Variants in TTC13 observed in about 807,000 individuals in gnomAD.
TTC13 encodes tetratricopeptide repeat domain 13.
In TTC13, 62 loss-of-function variants were observed where a neutral mutation model predicts 120.0. That is an observed-to-expected ratio of 0.52 (90% CI 0.42 to 0.64). TTC13 has a LOEUF of 0.64. Among genes scored for constraint, TTC13 ranks in the 30% least tolerant of loss-of-function variants. The pLI is 0.00. For missense variants in TTC13, 824 were observed against 1,050.2 expected (o/e 0.78, Z 2.98); for synonymous variants, 384 against 393.5 (o/e 0.98, Z 0.28).
At chr1:230,936,720 T>G in intron 8 of TTC13, 1 of 155,540 alleles carries the variant, frequency 6.4e-6, no homozygotes, top group Non-Finnish European at 1.4e-5. Context: ...AATTAATTTC[T>G]AAATTGCTGT....
chr1:230,954,305 A>G (rs1675855933), intron 4 of TTC13, 28 bp downstream of exon 4: 1 of 1,573,426 alleles, frequency 6.4e-7, no homozygotes, highest in Non-Finnish European at 8.7e-7. Flanking sequence ...CATAAACTCA[A>G]AATTACATAA....
intron 15 of TTC13, among the ~76,000 whole-genome samples, 165 bp downstream of exon 15, chr1:230,923,676 G>C (rs146435294): frequency 3.3e-5 from 5 of 152,310 alleles, no homozygotes; most frequent in African/African-American, 1.2e-4. Flanking sequence ...AGCTGGGCTA[G>C]AGGAAAGGAA....
In TTC13 at chr1:230,978,480, G is replaced by A; in HGVS notation, c.271+80C>T. ...GCAGCCGGAGGCGTGAGGCCCGGGC[G>A]ACCCGTACCCCGGCCCGGGACCCCA... On this transcript the variant is annotated intron_variant, in intron 1 of 22. Coordinates refer to ENST00000366661, the MANE Select transcript of TTC13 (RefSeq NM_024525.5). The surrounding 1 kb of genome is among the most constrained non-coding windows in gnomAD (Gnocchi z 5.6). 1 of 389,684 alleles carries A rather than the reference G, an allele frequency of 2.6e-6. No individual in the cohort carries two copies. Among genetic ancestry groups the A allele is most frequent in the Non-Finnish European group, 4.3e-6 (1 of 234,006 alleles). The allele number at this position is 389,684 out of a possible 1,614,324, so 24.1% of individuals were successfully genotyped here.
Position 230,978,660 on chromosome 1 carries a change from C to T in TTC13, c.171G>A (p.Gln57=). The part of the protein sequence containing the change: ...EHYSPLSLLK[Q]ELQHRQQQEA... ...CCTGCTGCTGCCGGTGCTGCAGCTC[C>T]TGCTTGAGCAGGGAGAGCGGCGAGT... The change falls in exon 1 of 23, where the codon CAG becomes CAA. Residue 57 remains glutamine, a synonymous_variant. Coordinates refer to ENST00000366661, the MANE Select transcript of TTC13 (RefSeq NM_024525.5). The surrounding 1 kb of genome is among the most constrained non-coding windows in gnomAD (Gnocchi z 5.6). 11 of 1,482,122 alleles carry T rather than the reference C, an allele frequency of 7.4e-6. No individual in the cohort carries two copies. Among genetic ancestry groups the T allele is most frequent in the Non-Finnish European group, 9.8e-6 (11 of 1,124,536 alleles). 91.8% of individuals were successfully genotyped at this position (1,482,122 alleles called of 1,614,324 possible).
rs1290041671 is a variant in TTC13 at position 230,931,748 on chromosome 1, A to T, written c.1113T>A (p.Leu371=). The change falls in exon 10 of 23, where the codon CTT becomes CTA. Residue 371 remains leucine, a synonymous_variant. Coordinates refer to ENST00000366661, the MANE Select transcript of TTC13 (RefSeq NM_024525.5). The part of the protein sequence containing the change: ...LYHHGSLQEA[L]KNFKRCLQLE... ...TATGGATGCTCACCTTAAAGTTCTT[A>T]AGGGCTTCCTGTAAGCTGCCGTGGT... is the stretch of plus-strand genomic sequence containing the variant. The T allele has an allele frequency of 6.2e-7, 1 of 1,613,958 alleles. No homozygotes were observed. Among genetic ancestry groups the T allele is most frequent in the African/African-American group, 1.3e-5 (1 of 74,920 alleles).
At position 230,978,706 on chromosome 1, in the gene TTC13, C is replaced by T. The variant is rs1379524264; in HGVS notation, c.125G>A (p.Gly42Asp). Residue 42 changes from glycine (G) to aspartate (D), a missense_variant, in exon 1 of 23, where the codon GGC becomes GAC. Gly to Asp is a moderately conservative substitution (Grantham distance 94). Coordinates refer to ENST00000366661, the MANE Select transcript of TTC13 (RefSeq NM_024525.5). This position sits in a 1 kb window ranked among gnomAD's most constrained non-coding sequence, Gnocchi z 5.6. ...CGAGTAGTGCTCGGTGGCCAGGGCG[C>T]CTGGCCGCAGCCCGGCGGACAGGAC... ...LGVLSAGLRP[G>D]ALATEHYSPL... 1.3e-6 allele frequency: 2 copies of T among 1,490,966 alleles called. No homozygotes were observed. The highest frequency in any genetic ancestry group is 2.5e-5 in the South Asian group (2 of 79,618). 92.4% of individuals were successfully genotyped at this position (1,490,966 alleles called of 1,614,324 possible).
chr1:230,928,916 A>T (rs778489164), intron 12 of TTC13, 21 bp downstream of exon 12: 2 of 1,611,516 alleles, frequency 1.2e-6, no homozygotes, highest in African/African-American at 1.3e-5. Flanking sequence ...AAAAAAAATC[A>T]TCTTCATTTA....
chr1:230,906,882 C>T lies in TTC13; in HGVS notation c.*23G>A, dbSNP rs1670980827. On this transcript the variant is annotated 3_prime_UTR_variant, in exon 23 of 23. Coordinates refer to ENST00000366661, the MANE Select transcript of TTC13 (RefSeq NM_024525.5). ...AAGAAGCAAGAGGTCCGGCCCTTTA[C>T]TTGTATAAATACAGCAGCAGAACTA... 8.0e-7 allele frequency: 1 copy of T among 1,253,274 alleles called. No individual in the cohort carries two copies. Among genetic ancestry groups the T allele is most frequent in the Admixed American group, 2.8e-5 (1 of 36,344 alleles). 77.6% of individuals were successfully genotyped at this position (1,253,274 alleles called of 1,614,324 possible).
At chr1:230,977,316 A>T (rs13376302) in intron 1 of TTC13, among the ~76,000 whole-genome samples, 15,198 of 152,202 alleles carry the variant, frequency 0.1, 797 homozygotes, top group South Asian at 0.17. Context: ...AAACCCCACA[A>T]TTAGGTGAAC....
At chr1:230,931,524 A>G in intron 10 of TTC13, 52 bp from the exon 11 acceptor site, 8 of 1,593,728 alleles carry the variant, frequency 5.0e-6, no homozygotes, top group Non-Finnish European at 6.0e-6. Flanking sequence ...AAACTTTGAA[A>G]TGCTTTATTC....
intron 18 of TTC13, among the ~76,000 whole-genome samples, chr1:230,914,764 A>G (rs1671856882): frequency 6.6e-6 from 1 of 152,048 alleles, no homozygotes. Flanking sequence ...TATATATAAC[A>G]TATAAAATAT....
chr1:230,952,089 A>G (rs1440234186), intron 4 of TTC13, among the ~76,000 whole-genome samples: 2 of 152,238 alleles, frequency 1.3e-5, no homozygotes, highest in Non-Finnish European at 2.9e-5. Context: ...AGCATTTAAC[A>G]TCGAATCTTC....
At chr1:230,933,211 G>A (rs1017321488) in intron 9 of TTC13, among the ~76,000 whole-genome samples, 2 of 151,754 alleles carry the variant, frequency 1.3e-5, no homozygotes, top group African/African-American at 4.8e-5. Context: ...GACCTCAAGT[G>A]ATCTGCCTGC....
chr1:230,954,473 G>T, intron 3 of TTC13, 70 bp from the exon 4 acceptor site: 1 of 1,230,920 alleles, frequency 8.1e-7, no homozygotes, highest in Non-Finnish European at 1.2e-6. Context: ...ATAACTAAAT[G>T]CTTTGGTAAA....
At chr1:230,909,586 C>T (rs865962019) in intron 20 of TTC13, among the ~76,000 whole-genome samples, 2 of 152,282 alleles carry the variant, frequency 1.3e-5, no homozygotes, top group African/African-American at 4.8e-5. Context: ...GAGCCGAGAT[C>T]GCTCCACCGC....
intron 1 of TTC13, among the ~76,000 whole-genome samples, chr1:230,969,940 C>T (rs1163832225): frequency 6.6e-6 from 1 of 152,210 alleles, no homozygotes; most frequent in African/African-American, 2.4e-5. Context: ...CTTCACAGTA[C>T]TTCCCAGCTT....
At chr1:230,960,191 C>T (rs1432955060) in intron 2 of TTC13, among the ~76,000 whole-genome samples, 4 of 152,166 alleles carry the variant, frequency 2.6e-5, no homozygotes, top group Admixed American at 2.6e-4. Flanking sequence ...AGTCTAAGTC[C>T]CATATTTCAA....
intron 18 of TTC13, 87 bp downstream of exon 18, chr1:230,916,106 A>G (rs1379141540): frequency 2.0e-6 from 2 of 986,204 alleles, no homozygotes; most frequent in Non-Finnish European, 3.3e-6. Flanking sequence ...CAAAAGTTCA[A>G]CACCACAAAA....
intron 14 of TTC13, 81 bp from the exon 15 acceptor site, chr1:230,924,014 G>T: frequency 9.4e-7 from 1 of 1,068,868 alleles, no homozygotes; most frequent in South Asian, 1.5e-5. Context: ...TGCAAAGGTG[G>T]GGATAAAGCA....
Sources: allele counts gnomAD v4.1 joint callset (sites outside exome capture counted in the v4.1 genomes callset), GRCh38; gene constraint gnomAD v4.1.1; non-coding constraint Gnocchi (gnomAD v3.1); transcripts MANE v1.5; gene names NCBI Gene and HGNC (gene_info 2026-07-23, HGNC 2026-07-21).